The following TCERG1 variants were observed in gnomAD, a reference collection of about 807,000 sequenced individuals.
The protein encoded by TCERG1 is TATA box binding protein (TBP)-associated factor, RNA polymerase II, S, 150kD.
Under a neutral mutation model 144.7 loss-of-function variants are expected in TCERG1, and 37 were observed. The observed-to-expected ratio is 0.26, with a 90% confidence interval of 0.20 to 0.34. TCERG1 has a LOEUF of 0.34. TCERG1 is among the 10% of genes least tolerant of loss of function. The probability of loss-of-function intolerance (pLI) is 1.00; values close to 1 mark genes in which losing one functional copy is unlikely to be tolerated. For missense variants in TCERG1, 1,027 were observed against 1,380.7 expected (o/e 0.74, Z 4.06); for synonymous variants, 492 against 458.2 (o/e 1.07, Z -0.94).
intron 2 of TCERG1, among the ~76,000 whole-genome samples, chr5:146,455,971 G>A (rs1043958891): frequency 6.6e-6 from 1 of 152,170 alleles, no homozygotes; most frequent in African/African-American, 2.4e-5. Context: ...TTTTGAGTAT[G>A]TATCTATGTT....
chr5:146,466,364 A>G (rs1363733900), intron 5 of TCERG1, among the ~76,000 whole-genome samples: 1 of 152,210 alleles, frequency 6.6e-6, no homozygotes, highest in African/African-American at 2.4e-5. Context: ...GTCAAACAAG[A>G]TAAAGGGAAG....
chr5:146,478,634 G>C lies in TCERG1; in HGVS notation c.1743G>C (p.Met581Ile), dbSNP rs762049937. The change falls in exon 10 of 23, where the codon ATG becomes ATC. Residue 581 changes from methionine to isoleucine, a missense_variant. Met to Ile is a conservative substitution (Grantham distance 10, BLOSUM62 1). This residue lies in a region of TCERG1 where 482 missense variants were observed against 632.6 expected (regional missense o/e 0.76). Coordinates refer to ENST00000679501, the MANE Select transcript of TCERG1 (RefSeq NM_001382548.1). Reference sequence around the variant, plus strand: ...AGGAGCCCCCTCATAAAAAAGGAATGGAGGAATTGAAGAAACTAAGTAAGT... The same window carrying C: ...AGGAGCCCCCTCATAAAAAAGGAATCGAGGAATTGAAGAAACTAAGTAAGT... The part of the protein sequence containing the change: ...IIQEPPHKKG[M>I]EELKKLRHPT... 4 of 1,591,380 alleles carry C rather than the reference G, an allele frequency of 2.5e-6. No individual in the cohort carries two copies. In the South Asian group the frequency reaches 4.6e-5, roughly 18 times the overall value.
intron 15 of TCERG1, among the ~76,000 whole-genome samples, chr5:146,489,242 T>A (rs1161142842): frequency 6.6e-6 from 1 of 152,194 alleles, no homozygotes; most frequent in Admixed American, 6.5e-5. Context: ...ATTGATATGC[T>A]AATTACCTTG....
At chr5:146,489,810 G>A (rs1766223694) in intron 15 of TCERG1, among the ~76,000 whole-genome samples, 1 of 152,036 alleles carries the variant, frequency 6.6e-6, no homozygotes, top group Non-Finnish European at 1.5e-5. Flanking sequence ...TTCATGAGTT[G>A]AAGTTATCAG....
chr5:146,505,944 T>C (rs113659775), intron 19 of TCERG1, among the ~76,000 whole-genome samples: 10 of 152,184 alleles, frequency 6.6e-5, no homozygotes, highest in African/African-American at 2.4e-4. Context: ...ACACAGCTCA[T>C]TTTTGTATTT....
chr5:146,458,083 C>T (rs1762986162), intron 3 of TCERG1, among the ~76,000 whole-genome samples: 1 of 152,154 alleles, frequency 6.6e-6, no homozygotes, highest in African/African-American at 2.4e-5. Flanking sequence ...CTCTTGACCT[C>T]AGGTAATCCC....
chr5:146,495,182 A>C (rs1201447855), intron 16 of TCERG1, among the ~76,000 whole-genome samples: 2 of 152,190 alleles, frequency 1.3e-5, no homozygotes, highest in Non-Finnish European at 2.9e-5. Flanking sequence ...CCCTTATCCC[A>C]AATGCTTGAG....
chr5:146,472,677 A>T (rs971092070), intron 9 of TCERG1, among the ~76,000 whole-genome samples: 2 of 142,488 alleles, frequency 1.4e-5, no homozygotes, highest in African/African-American at 2.5e-5. Context: ...TTCAAGTGAA[A>T]GGAAGAGTCA....
In TCERG1 at chr5:146,503,220, C is replaced by T. The variant is rs548259578; in HGVS notation, c.2434-155C>T. 1.2e-5 allele frequency: 7 copies of T among 588,384 alleles called. No individual in the cohort carries two copies. The South Asian group carries it at 1.3e-4, about 11-fold the overall frequency. 36.4% of individuals were successfully genotyped at this position (588,384 alleles called of 1,614,324 possible). A position where few individuals can be genotyped will look rare whatever the true frequency, so the allele number is the denominator to read the frequency against. ...GTAAAAGAACACTTCTGATCTTTTACTGTAATTCTACTCTAAATGCCTATA... is the reference window on the plus strand; with the variant it reads ...GTAAAAGAACACTTCTGATCTTTTATTGTAATTCTACTCTAAATGCCTATA... On this transcript the variant is annotated intron_variant, in intron 17 of 22. Coordinates refer to ENST00000679501, the MANE Select transcript of TCERG1 (RefSeq NM_001382548.1).
chr5:146,503,821 C>A lies in TCERG1; in HGVS notation c.2599-3C>A. 1 of 1,574,256 alleles carries A rather than the reference C, an allele frequency of 6.4e-7. No homozygotes were observed. Among genetic ancestry groups the A allele is most frequent in the Non-Finnish European group, 8.6e-7 (1 of 1,167,328 alleles). Reference sequence around the variant, plus strand: ...AAGGATAATGTAGTTTTTGCTTTTACAGAATTTAGACTCAGAAAAAGAAAA... The same window carrying A: ...AAGGATAATGTAGTTTTTGCTTTTAAAGAATTTAGACTCAGAAAAAGAAAA... On this transcript the variant is annotated splice_polypyrimidine_tract_variant and splice_region_variant and intron_variant, in intron 18 of 22. Transcript: ENST00000679501.
At chr5:146,483,660 T>TATTATCTCTTGC in intron 15 of TCERG1, 31 bp downstream of exon 15, 5 of 1,511,002 alleles carry the variant, frequency 3.3e-6, no homozygotes, top group Non-Finnish European at 4.5e-6. Context: ...ACTAAGAATG[T>TATTATCTCTTGC]ATATCTCTTG....
chr5:146,472,015 T>C (rs981726161), intron 9 of TCERG1, among the ~76,000 whole-genome samples: 14 of 152,254 alleles, frequency 9.2e-5, no homozygotes, highest in Non-Finnish European at 1.8e-4. Context: ...TTTTGGCCTT[T>C]GTTGTATTTG....
chr5:146,505,608 C>T (rs1767910439), intron 19 of TCERG1: 1 of 151,566 alleles, frequency 6.6e-6, no homozygotes, highest in Non-Finnish European at 1.5e-5. Context: ...GACAGACTTT[C>T]TCGTTCTTCA....
chr5:146,503,767 T>C (rs1767696858), intron 18 of TCERG1, 57 bp from the exon 19 acceptor site: 4 of 1,521,068 alleles, frequency 2.6e-6, no homozygotes, highest in Non-Finnish European at 3.5e-6. Flanking sequence ...AGTTATTCTG[T>C]AAAAACATAT....
intron 12 of TCERG1, 30 bp from the exon 13 acceptor site, chr5:146,481,120 C>T: frequency 1.0e-6 from 1 of 979,660 alleles, no homozygotes; most frequent in Non-Finnish European, 1.2e-6. Context: ...TTATAGACAA[C>T]TCTGTAAGGT....
chr5:146,448,081 C>G (rs577909525), intron 1 of TCERG1, among the ~76,000 whole-genome samples: 1 of 152,284 alleles, frequency 6.6e-6, no homozygotes, highest in East Asian at 1.9e-4. Context: ...TCACAACCAC[C>G]CTTTGGAGTA....
intron 12 of TCERG1, 99 bp from the exon 13 acceptor site, chr5:146,481,051 C>A: frequency 3.2e-6 from 1 of 312,496 alleles, no homozygotes; most frequent in Non-Finnish European, 4.6e-6. Flanking sequence ...TGTTTATGTA[C>A]CATAATTTTG....
intron 15 of TCERG1, among the ~76,000 whole-genome samples, chr5:146,483,953 A>G (rs988810662): frequency 6.6e-6 from 1 of 152,172 alleles, no homozygotes; most frequent in African/African-American, 2.4e-5. Context: ...GCAAATTTAG[A>G]GTAGAAAAAT....
At chr5:146,489,183 A>G (rs538730508) in intron 15 of TCERG1, among the ~76,000 whole-genome samples, 16 of 152,314 alleles carry the variant, frequency 1.1e-4, no homozygotes, top group African/African-American at 3.8e-4. Context: ...TCGAGTAGCC[A>G]GAAGGAGGAT....
Sources: gnomAD v4.1 joint callset for allele counts (sites outside exome capture counted in the v4.1 genomes callset) on GRCh38, gnomAD v4.1.1 for gene constraint, gnomAD v4.1.1 regional missense constraint, MANE v1.5 for transcripts, NCBI Gene and HGNC (gene_info 2026-07-23, HGNC 2026-07-21) for gene names.